The following MAGI1 variants were observed in gnomAD, a reference collection of about 807,000 sequenced individuals.
MAGI1 encodes membrane associated guanylate kinase, WW and PDZ domain containing 1.
MAGI1 carries 58 observed loss-of-function variants against 139.9 expected under a neutral mutation model. That is an observed-to-expected ratio of 0.41 (90% confidence interval 0.34 to 0.52). The LOEUF (loss-of-function observed/expected upper bound fraction) is 0.52, where lower values mean the gene tolerates loss of function less well. MAGI1 is among the 20% of genes least tolerant of loss of function. MAGI1 has a pLI of 0.12. For synonymous variants in MAGI1, 812 were observed against 737.9 expected, an observed-to-expected ratio of 1.10 and a Z score of -1.63; for missense variants, 1,874 against 1,901.6, an observed-to-expected ratio of 0.99 and a Z score of 0.27.
chr3:65,571,406 A>G (rs1283354889), intron 2 of MAGI1, among the ~76,000 whole-genome samples: 1 of 152,118 alleles, frequency 6.6e-6, no homozygotes, highest in Admixed American at 6.5e-5. Flanking sequence ...TTATCACTCA[A>G]AGAAAATGGT....
intron 1 of MAGI1, among the ~76,000 whole-genome samples, chr3:65,984,255 T>C (rs999458211): frequency 9.2e-5 from 14 of 152,102 alleles, no homozygotes; most frequent in Non-Finnish European, 1.6e-4. Flanking sequence ...GATTGTGCCA[T>C]TGCACTCCAG....
At chr3:65,981,599 C>A (rs1051193942) in intron 1 of MAGI1, among the ~76,000 whole-genome samples, 2 of 152,298 alleles carry the variant, frequency 1.3e-5, no homozygotes, top group East Asian at 3.9e-4. Context: ...CCTCACCCTT[C>A]TCATCTTGAA....
At chr3:65,761,854 G>A (rs551788539) in intron 1 of MAGI1, among the ~76,000 whole-genome samples, 1 of 152,312 alleles carries the variant, frequency 6.6e-6, no homozygotes, top group Non-Finnish European at 1.5e-5. Flanking sequence ...AAGTGCTTGT[G>A]AAAACACGTC....
intron 1 of MAGI1, among the ~76,000 whole-genome samples, chr3:65,777,553 C>G (rs2038552279): frequency 1.3e-5 from 2 of 149,680 alleles, no homozygotes; most frequent in East Asian, 4.0e-4. Flanking sequence ...GTGGGAGGAT[C>G]ACTTGAGCCT....
chr3:66,034,315 T>G (rs180759549), intron 1 of MAGI1, among the ~76,000 whole-genome samples: 84 of 152,314 alleles, frequency 5.5e-4, no homozygotes, highest in African/African-American at 1.9e-3. Context: ...AGCACAGGCT[T>G]TGGAATCAGA....
chr3:65,862,039 C>A (rs969598289), intron 1 of MAGI1, among the ~76,000 whole-genome samples: 1 of 152,160 alleles, frequency 6.6e-6, no homozygotes, highest in South Asian at 2.1e-4. Context: ...TCTTATTTAT[C>A]TTCAATTCTT....
chr3:66,037,710 G>A (rs1488213802), intron 1 of MAGI1, among the ~76,000 whole-genome samples: 4 of 152,170 alleles, frequency 2.6e-5, no homozygotes, highest in African/African-American at 9.7e-5. Context: ...GGGTGCAGGC[G>A]AGACTGCGCT....
intron 1 of MAGI1, among the ~76,000 whole-genome samples, chr3:65,866,568 G>A (rs1192452096): frequency 1.3e-5 from 2 of 152,028 alleles, no homozygotes; most frequent in Non-Finnish European, 2.9e-5. Flanking sequence ...GGCAATGACA[G>A]ACTAACCTGT....
At chr3:65,838,381 CT>C (rs145597634) in intron 1 of MAGI1, among the ~76,000 whole-genome samples, 5,270 of 152,234 alleles carry the variant, frequency 0.035, 292 homozygotes, top group African/African-American at 0.12. Context: ...CCTTGTGCTA[CT>C]CCTTTAGTGC....
chr3:65,836,855 TG>T (rs887133197), intron 1 of MAGI1, among the ~76,000 whole-genome samples: 17 of 152,134 alleles, frequency 1.1e-4, no homozygotes, highest in African/African-American at 3.4e-4. Context: ...CTGTGCTTTT[TG>T]TGGAGCCATC....
intron 1 of MAGI1, among the ~76,000 whole-genome samples, chr3:65,943,039 A>G (rs528010459): frequency 6.6e-6 from 1 of 152,308 alleles, no homozygotes; most frequent in African/African-American, 2.4e-5. Flanking sequence ...ACAAATTTGT[A>G]AAATGTTCAC....
At chr3:65,782,640 A>G (rs1308481190) in intron 1 of MAGI1, among the ~76,000 whole-genome samples, 1 of 115,276 alleles carries the variant, frequency 8.7e-6, no homozygotes. Flanking sequence ...AAAAAAAAAA[A>G]GTTAGATGAA....
intron 1 of MAGI1, among the ~76,000 whole-genome samples, chr3:65,707,686 T>C (rs1347688974): frequency 1.9e-5 from 2 of 103,780 alleles, no homozygotes; most frequent in Admixed American, 1.0e-4. Context: ...TGATACCCTA[T>C]CTCAAAAAAA....
At chr3:65,717,649 A>T (rs2032435180) in intron 1 of MAGI1, 1 of 152,216 alleles carries the variant, frequency 6.6e-6, no homozygotes, top group Non-Finnish European at 1.5e-5. Context: ...AACGGAGATG[A>T]AAACATCTTG....
chr3:65,401,180 GAGA>G (rs1404894801), intron 13 of MAGI1, among the ~76,000 whole-genome samples: 2 of 152,086 alleles, frequency 1.3e-5, no homozygotes, highest in African/African-American at 4.8e-5. Flanking sequence ...CATTTGTATA[GAGA>G]AGATTTCAAA....
At chr3:65,383,107 C>T (rs890028736) in intron 15 of MAGI1, among the ~76,000 whole-genome samples, 15 of 152,130 alleles carry the variant, frequency 9.9e-5, no homozygotes, top group Non-Finnish European at 2.2e-4. Context: ...TGACATTCTC[C>T]AATCACTGTC....
chr3:65,943,457 C>G (rs2063405943), intron 1 of MAGI1, among the ~76,000 whole-genome samples: 2 of 152,006 alleles, frequency 1.3e-5, no homozygotes, highest in South Asian at 4.2e-4. Context: ...CGCCTGTAAT[C>G]CCGGCTAGTC....
At chr3:65,857,198 C>G (rs554437511) in intron 1 of MAGI1, among the ~76,000 whole-genome samples, 1 of 151,382 alleles carries the variant, frequency 6.6e-6, no homozygotes, top group South Asian at 2.1e-4. Context: ...GGAAACAGAG[C>G]TAATCTTTAC....
rs530549630 is a variant in MAGI1, at chr3:65,871,291, A to T, written c.313+166705T>A. Among the ~76,000 whole-genome samples the T allele has an allele frequency of 2.4e-4, 37 of 152,280 alleles. No homozygotes were observed. In the East Asian group the frequency reaches 7.2e-3, roughly 29 times the overall value. ...TATATATTCAACCAGGTAACACTGA[A>T]TGCCTCAAGGTGGGAGTGAGGGAGA... On this transcript the variant is annotated intron_variant, in intron 1 of 22. Transcript: ENST00000402939.
Sources: allele counts gnomAD v4.1 joint callset (sites outside exome capture counted in the v4.1 genomes callset), GRCh38; gene constraint gnomAD v4.1.1; transcripts MANE v1.5; gene names NCBI Gene and HGNC (gene_info 2026-07-23, HGNC 2026-07-21).